The following ZNF385D variants were observed in gnomAD, a reference collection of about 807,000 sequenced individuals.
The protein encoded by ZNF385D is zinc finger protein 385D, also known as zinc finger protein 659.
ZNF385D carries 15 observed loss-of-function variants against 35.8 expected under a neutral mutation model. That is an observed-to-expected ratio of 0.42 (90% CI 0.28 to 0.64). ZNF385D has a LOEUF of 0.64. Ranked by LOEUF, ZNF385D falls within the 30% of genes least tolerant of loss-of-function variation. ZNF385D has a pLI of 0.23. For synonymous variants in ZNF385D, 212 were observed against 186.8 expected, an observed-to-expected ratio of 1.13 and a Z score of -1.10; for missense variants, 474 against 494.6, an observed-to-expected ratio of 0.96 and a Z score of 0.39.
chr3:22,255,790 GTTT>G (rs5847170), intron 2 of ZNF385D, among the ~76,000 whole-genome samples: 2 of 145,716 alleles, frequency 1.4e-5, no homozygotes, highest in African/African-American at 2.5e-5. Context: ...CCTTAACTCA[GTTT>G]TTTTTTTTTT....
chr3:21,492,495 A>T (rs1012036781), intron 4 of ZNF385D, among the ~76,000 whole-genome samples: 3 of 151,898 alleles, frequency 2.0e-5, no homozygotes, highest in Non-Finnish European at 2.9e-5. Context: ...CTAAAAAAAA[A>T]AAAATGGCCG....
chr3:22,021,772 A>C (rs259434), intron 3 of ZNF385D, among the ~76,000 whole-genome samples: 98,124 of 151,862 alleles, frequency 0.65, 32,698 homozygotes, highest in East Asian at 0.9. Flanking sequence ...TAGTGTTTTG[A>C]AAACTTGTCT....
chr3:22,348,526 T>C (rs1695766293), intron 2 of ZNF385D, among the ~76,000 whole-genome samples: 1 of 139,490 alleles, frequency 7.2e-6, no homozygotes, highest in Non-Finnish European at 1.5e-5. Flanking sequence ...TAGCCAAGTG[T>C]GGTGGTGCAT....
chr3:21,813,389 A>G (rs769952802), intron 3 of ZNF385D, among the ~76,000 whole-genome samples: 1 of 152,112 alleles, frequency 6.6e-6, no homozygotes, highest in Non-Finnish European at 1.5e-5. Flanking sequence ...AAGAGTGGTA[A>G]TAACAAACTT....
At chr3:22,270,317 T>G (rs1219501503) in intron 2 of ZNF385D, among the ~76,000 whole-genome samples, 1 of 151,986 alleles carries the variant, frequency 6.6e-6, no homozygotes, top group Non-Finnish European at 1.5e-5. Flanking sequence ...ATCTCAACTT[T>G]GGAAAATTGA....
At chr3:21,657,447 G>C (rs2066105004) in intron 2 of ZNF385D, among the ~76,000 whole-genome samples, 1 of 152,006 alleles carries the variant, frequency 6.6e-6, no homozygotes, top group Non-Finnish European at 1.5e-5. Flanking sequence ...AAAGCTACAG[G>C]ACTCAGCAAA....
chr3:22,259,245 G>C (rs1304106180), intron 2 of ZNF385D, among the ~76,000 whole-genome samples: 3 of 151,696 alleles, frequency 2.0e-5, no homozygotes, highest in Non-Finnish European at 4.4e-5. Context: ...TATCATCTCT[G>C]AGCTTATCAG....
chr3:21,903,466 G>T (rs757306747), intron 3 of ZNF385D, among the ~76,000 whole-genome samples: 1 of 152,118 alleles, frequency 6.6e-6, no homozygotes, highest in Admixed American at 6.6e-5. Flanking sequence ...TTCATAGACA[G>T]TATCATCTCA....
intron 3 of ZNF385D, among the ~76,000 whole-genome samples, chr3:22,001,105 G>T (rs1318265291): frequency 6.6e-6 from 1 of 151,996 alleles, no homozygotes; most frequent in Non-Finnish European, 1.5e-5. Flanking sequence ...AAAATAACCA[G>T]AAAGCAATTA....
At chr3:21,770,927 A>G (rs925663367) in intron 3 of ZNF385D, among the ~76,000 whole-genome samples, 2 of 152,124 alleles carry the variant, frequency 1.3e-5, no homozygotes, top group African/African-American at 4.8e-5. Flanking sequence ...GGATGAGTTC[A>G]TGTCCTTTGT....
intron 3 of ZNF385D, among the ~76,000 whole-genome samples, chr3:21,799,493 T>C (rs1313489562): frequency 1.3e-5 from 2 of 152,226 alleles, no homozygotes; most frequent in African/African-American, 4.8e-5. Context: ...CATTTGTATT[T>C]ACCTAAAAAC....
intron 3 of ZNF385D, among the ~76,000 whole-genome samples, chr3:22,010,755 T>C (rs928500158): frequency 6.6e-6 from 1 of 152,214 alleles, no homozygotes; most frequent in East Asian, 1.9e-4. Context: ...TATCTCCTCA[T>C]AAGAATTTAA....
intron 3 of ZNF385D, among the ~76,000 whole-genome samples, chr3:22,149,000 A>G (rs1383399178): frequency 6.6e-6 from 1 of 152,088 alleles, no homozygotes; most frequent in Non-Finnish European, 1.5e-5. Context: ...AGCTGCAAAA[A>G]CCAGTTAAGT....
chr3:22,157,223 T>C (rs1705644094), intron 3 of ZNF385D, among the ~76,000 whole-genome samples: 1 of 152,140 alleles, frequency 6.6e-6, no homozygotes, highest in South Asian at 2.1e-4. Context: ...TAGTTTATGG[T>C]CTACATAATG....
At chr3:22,192,009 T>C (rs1188708819) in intron 2 of ZNF385D, among the ~76,000 whole-genome samples, 6 of 152,132 alleles carry the variant, frequency 3.9e-5, no homozygotes, top group Admixed American at 3.9e-4. Context: ...GAGGATATGA[T>C]TTTTTTCGGC....
intron 3 of ZNF385D, among the ~76,000 whole-genome samples, chr3:22,047,685 G>A (rs1203776352): frequency 3.3e-5 from 5 of 152,064 alleles, no homozygotes; most frequent in Non-Finnish European, 1.5e-5. Context: ...CTTAGCTATT[G>A]TGAATGTTTC....
chr3:21,591,627 A>G (rs1355390423), intron 2 of ZNF385D, among the ~76,000 whole-genome samples: 1 of 152,184 alleles, frequency 6.6e-6, no homozygotes, highest in African/African-American at 2.4e-5. Flanking sequence ...CACATGCAAT[A>G]CATTTAGTAT....
chr3:22,211,271 C>G lies in ZNF385D; in HGVS notation c.107-42236G>C, dbSNP rs1216162909. On this transcript the variant is annotated intron_variant, in intron 2 of 5. Transcript: ENST00000494108. ...AGCAGTTGATGAATGAATGAATATT[C>G]CTCAGTATTAACAATTACAGACTGG... 2.6e-5 allele frequency among the ~76,000 whole-genome samples: 4 copies of G among 151,866 alleles called. No individual in the cohort carries two copies. In the Admixed American group the frequency reaches 2.6e-4, roughly 10 times the overall value.
chr3:21,533,017 T>G (rs563211585), intron 3 of ZNF385D, among the ~76,000 whole-genome samples: 1 of 152,286 alleles, frequency 6.6e-6, no homozygotes, highest in South Asian at 2.1e-4. Flanking sequence ...TGGGTGTGTA[T>G]TCTATGAAGA....
Sources: gnomAD v4.1 joint callset for allele counts (sites outside exome capture counted in the v4.1 genomes callset) on GRCh38, gnomAD v4.1.1 for gene constraint, MANE v1.5 for transcripts, NCBI Gene and HGNC (gene_info 2026-07-23, HGNC 2026-07-21) for gene names.